DLG2: variants seen among roughly 807,000 people sequenced by gnomAD.
The protein encoded by DLG2 is discs large MAGUK scaffold protein 2, also known as disks large homolog 2.
In DLG2, 45 loss-of-function variants were observed where a neutral mutation model predicts 132.5. That is an observed-to-expected ratio of 0.34 (90% CI 0.27 to 0.44). The LOEUF (loss-of-function observed/expected upper bound fraction) is 0.44, where lower values mean the gene tolerates loss of function less well. Among genes scored for constraint, DLG2 ranks in the 20% least tolerant of loss-of-function variants. DLG2 has a pLI of 1.00. For synonymous variants in DLG2, 424 were observed against 419.6 expected, an observed-to-expected ratio of 1.01 and a Z score of -0.13; for missense variants, 1,045 against 1,196.9, an observed-to-expected ratio of 0.87 and a Z score of 1.87.
chr11:83,494,274 T>A (rs940797147), intron 21 of DLG2, among the ~76,000 whole-genome samples: 14 of 151,456 alleles, frequency 9.2e-5, no homozygotes, highest in Non-Finnish European at 1.9e-4. Context: ...TTACCATTTT[T>A]AAAAACAGTA....
chr11:84,087,932 C>T (rs1472253656), intron 10 of DLG2, among the ~76,000 whole-genome samples: 1 of 152,134 alleles, frequency 6.6e-6, no homozygotes, highest in Non-Finnish European at 1.5e-5. Flanking sequence ...TGTGTTACAG[C>T]AGCAATAGAA....
chr11:83,699,881 CTATG>C (rs36080078), intron 18 of DLG2, among the ~76,000 whole-genome samples: 46,631 of 147,472 alleles, frequency 0.32, 8,618 homozygotes, highest in African/African-American at 0.51. Flanking sequence ...GTCTGTCTTT[CTATG>C]TATGTATGTA....
rs113041020 is a variant in DLG2 at position 83,488,998 on chromosome 11, C to T, written c.2194-4770G>A. ...ATGTGTCTATGTGAATGCACGTATA[C>T]ATGTGTGTCTATAACATTGCCTAAT... On this transcript the variant is annotated intron_variant, in intron 21 of 27. Coordinates refer to ENST00000376104, the MANE Select transcript of DLG2 (RefSeq NM_001142699.3). 3.2e-3 allele frequency among the ~76,000 whole-genome samples: 483 copies of T among 152,066 alleles called. 1 individual carries two copies. Among genetic ancestry groups the T allele is most frequent in the African/African-American group, 0.011 (469 of 41,534 alleles).
chr11:85,447,363 T>C (rs1217116125), intron 3 of DLG2, among the ~76,000 whole-genome samples: 1 of 152,126 alleles, frequency 6.6e-6, no homozygotes, highest in Non-Finnish European at 1.5e-5. Context: ...TATTTAGAGA[T>C]GGGGTCTTTA....
chr11:83,754,136 A>G (rs998513764), intron 18 of DLG2, among the ~76,000 whole-genome samples: 3 of 150,542 alleles, frequency 2.0e-5, no homozygotes, highest in African/African-American at 7.5e-5. Context: ...GAATTATCCA[A>G]ATAATGATCT....
intron 18 of DLG2, among the ~76,000 whole-genome samples, chr11:83,634,719 T>A (rs1460474705): frequency 6.6e-6 from 1 of 152,198 alleles, no homozygotes. Flanking sequence ...CATTTCAACT[T>A]ACTGGATATG....
chr11:85,038,884 C>G (rs1012447041), intron 6 of DLG2, among the ~76,000 whole-genome samples: 7 of 151,948 alleles, frequency 4.6e-5, no homozygotes, highest in African/African-American at 1.4e-4. Flanking sequence ...TCAGAGCTTT[C>G]CAATGATACA....
chr11:84,729,614 C>T (rs2062913737), intron 6 of DLG2, among the ~76,000 whole-genome samples: 1 of 151,878 alleles, frequency 6.6e-6, no homozygotes, highest in African/African-American at 2.4e-5. Context: ...GTCCACTCAC[C>T]TATCCCCAAG....
intron 6 of DLG2, among the ~76,000 whole-genome samples, chr11:84,815,933 T>C (rs1566039344): frequency 1.3e-5 from 2 of 152,040 alleles, no homozygotes; most frequent in East Asian, 1.9e-4. Context: ...AATGTAGCAA[T>C]TGCCCAATAG....
intron 5 of DLG2, among the ~76,000 whole-genome samples, chr11:85,153,783 G>T (rs375966547): frequency 3.7e-4 from 56 of 152,082 alleles, no homozygotes; most frequent in African/African-American, 1.3e-3. Flanking sequence ...TCAATAGCAT[G>T]AATATCTACT....
At chr11:85,301,609 C>T (rs2079589599) in intron 3 of DLG2, among the ~76,000 whole-genome samples, 1 of 152,104 alleles carries the variant, frequency 6.6e-6, no homozygotes, top group African/African-American at 2.4e-5. Flanking sequence ...AATGAAAAAA[C>T]TAAGGCTGGT....
chr11:84,606,558 A>C (rs1172039773), intron 6 of DLG2, among the ~76,000 whole-genome samples: 1 of 152,126 alleles, frequency 6.6e-6, no homozygotes, highest in African/African-American at 2.4e-5. Context: ...CAATTGCAAA[A>C]CTGCAAGATA....
At chr11:84,895,122 A>T (rs2090009235) in intron 6 of DLG2, among the ~76,000 whole-genome samples, 1 of 152,206 alleles carries the variant, frequency 6.6e-6, no homozygotes, top group Non-Finnish European at 1.5e-5. Flanking sequence ...AATTGTGTTT[A>T]CTCAACTTAT....
intron 6 of DLG2, among the ~76,000 whole-genome samples, chr11:85,096,996 A>G (rs1566840897): frequency 6.6e-6 from 1 of 152,064 alleles, no homozygotes. Flanking sequence ...GGTCCCAACA[A>G]CAAGTTGATT....
chr11:85,446,783 G>A (rs972608000), intron 3 of DLG2, among the ~76,000 whole-genome samples: 6 of 149,576 alleles, frequency 4.0e-5, no homozygotes, highest in Non-Finnish European at 8.9e-5. Flanking sequence ...AGTTTGAAGG[G>A]ATATAGTATA....
intron 18 of DLG2, chr11:83,724,817 C>G (rs2089655500): frequency 1.4e-6 from 1 of 702,148 alleles, no homozygotes; most frequent in Non-Finnish European, 2.6e-6. Context: ...CATGGTCTGT[C>G]AAGAGAAATG....
At chr11:84,697,787 C>T (rs2058771325) in intron 6 of DLG2, among the ~76,000 whole-genome samples, 1 of 151,420 alleles carries the variant, frequency 6.6e-6, no homozygotes, top group Non-Finnish European at 1.5e-5. Flanking sequence ...CAGGTTTTCA[C>T]AGTTTTTCTT....
intron 21 of DLG2, among the ~76,000 whole-genome samples, chr11:83,531,950 T>G (rs190714533): frequency 7.7e-5 from 11 of 142,920 alleles, no homozygotes; most frequent in African/African-American, 2.8e-4. Flanking sequence ...GGCAAATCCA[T>G]AGGGACAAAA....
intron 17 of DLG2, among the ~76,000 whole-genome samples, chr11:83,818,530 T>C (rs1186580333): frequency 6.6e-6 from 1 of 152,170 alleles, no homozygotes; most frequent in Non-Finnish European, 1.5e-5. Context: ...ACACATGGCT[T>C]AGTCATCATT....
Sources: gnomAD v4.1 joint callset for allele counts (sites outside exome capture counted in the v4.1 genomes callset) on GRCh38, gnomAD v4.1.1 for gene constraint, MANE v1.5 for transcripts, NCBI Gene and HGNC (gene_info 2026-07-23, HGNC 2026-07-21) for gene names.